Variants in YPEL2 observed in about 807,000 individuals in gnomAD.
YPEL2 encodes the protein yippee like 2.
Under a neutral mutation model 19.1 loss-of-function variants are expected in YPEL2, and 2 were observed. That is an observed-to-expected ratio of 0.10 (90% CI 0.04 to 0.33). YPEL2 has a LOEUF of 0.33. Ranked by LOEUF, YPEL2 falls within the 10% of genes least tolerant of loss-of-function variation. The probability of loss-of-function intolerance (pLI) is 1.00; values close to 1 mark genes in which losing one functional copy is unlikely to be tolerated. For missense variants in YPEL2, 66 were observed against 140.7 expected (o/e 0.47, Z 2.68); for synonymous variants, 52 against 50.0 (o/e 1.04, Z -0.17).
chr17:59,379,336 A>G (rs2047937446), intron 2 of YPEL2, among the ~76,000 whole-genome samples: 1 of 152,190 alleles, frequency 6.6e-6, no homozygotes, highest in African/African-American at 2.4e-5. Context: ...CCAATATAGG[A>G]AAGCTCACCA....
intron 1 of YPEL2, among the ~76,000 whole-genome samples, chr17:59,337,250 C>G (rs951109339): frequency 1.4e-5 from 2 of 147,620 alleles, no homozygotes; most frequent in Non-Finnish European, 3.0e-5. Context: ...TGCAGTGGTG[C>G]AATCTCGGCT....
intron 2 of YPEL2, among the ~76,000 whole-genome samples, chr17:59,361,735 C>G (rs2047841931): frequency 6.6e-6 from 1 of 152,134 alleles, no homozygotes; most frequent in African/African-American, 2.4e-5. Flanking sequence ...ATCAGGCTCT[C>G]CACCAAAGAT....
At chr17:59,394,609 G>T (rs1190964942) in intron 4 of YPEL2, among the ~76,000 whole-genome samples, 2 of 151,304 alleles carry the variant, frequency 1.3e-5, no homozygotes, top group South Asian at 4.2e-4. Context: ...TCCAGACTGG[G>T]CAGCCAGGCA....
chr17:59,397,306 C>T lies in YPEL2; in HGVS notation c.*116C>T, dbSNP rs58549129. ...CCATCCATTTAGGGGCCTTGCCATC[C>T]GGGGCATCCTCCCACCCTGACGCCA... On this transcript the variant is annotated 3_prime_UTR_variant, in exon 5 of 5. Transcript: ENST00000312655. The T allele has an allele frequency of 0.11, 75,046 of 679,646 alleles. 6,829 individuals are homozygous for T. The highest frequency in any genetic ancestry group is 0.47 in the East Asian group (14,131 of 30,046). 42.1% of individuals were successfully genotyped at this position (679,646 alleles called of 1,614,324 possible).
At chr17:59,382,616 A>G (rs1179294977) in intron 2 of YPEL2, among the ~76,000 whole-genome samples, 1 of 152,232 alleles carries the variant, frequency 6.6e-6, no homozygotes, top group Admixed American at 6.5e-5. Context: ...TTTAATGAAC[A>G]TTTGTATAAT....
chr17:59,342,879 T>C (rs950312636), intron 1 of YPEL2, among the ~76,000 whole-genome samples: 7 of 152,176 alleles, frequency 4.6e-5, no homozygotes, highest in African/African-American at 1.4e-4. Context: ...GGAAGAAGAC[T>C]CCTAGGTTGG....
intron 1 of YPEL2, among the ~76,000 whole-genome samples, chr17:59,338,782 G>A (rs1463457481): frequency 6.6e-6 from 1 of 152,216 alleles, no homozygotes; most frequent in African/African-American, 2.4e-5. Flanking sequence ...CTCCAGGAGG[G>A]AGGCTATCTC....
intron 1 of YPEL2, among the ~76,000 whole-genome samples, chr17:59,341,782 G>C (rs916149243): frequency 3.3e-5 from 5 of 152,194 alleles, no homozygotes; most frequent in Admixed American, 1.3e-4. Flanking sequence ...CAGGGACTTC[G>C]ATTCTTGTTA....
At chr17:59,367,604 C>G (rs1037382178) in intron 2 of YPEL2, among the ~76,000 whole-genome samples, 39 of 152,156 alleles carry the variant, frequency 2.6e-4, no homozygotes, top group African/African-American at 8.4e-4. Flanking sequence ...ATTAGAATGA[C>G]TGTTGTGAAA....
chr17:59,388,451 C>A, intron 3 of YPEL2, 81 bp downstream of exon 3: 2 of 1,380,060 alleles, frequency 1.4e-6, no homozygotes, highest in Non-Finnish European at 2.1e-6. Flanking sequence ...GATAATTAAA[C>A]AATGAACCCT....
intron 1 of YPEL2, among the ~76,000 whole-genome samples, chr17:59,342,726 C>G (rs149247419): frequency 6.6e-6 from 1 of 152,250 alleles, no homozygotes; most frequent in Non-Finnish European, 1.5e-5. Flanking sequence ...ACATTTGGCT[C>G]TCTCGTCTGC....
chr17:59,332,131 C>T (rs1250059938), intron 1 of YPEL2, among the ~76,000 whole-genome samples: 1 of 152,026 alleles, frequency 6.6e-6, no homozygotes, highest in Non-Finnish European at 1.5e-5. Context: ...GGCGAGTCTG[C>T]GGGGCCAGGT....
At chr17:59,352,890 T>C (rs1327559500) in intron 1 of YPEL2, among the ~76,000 whole-genome samples, 1 of 152,156 alleles carries the variant, frequency 6.6e-6, no homozygotes, top group Non-Finnish European at 1.5e-5. Context: ...AGGAGTCCTC[T>C]CCCTGGGGCT....
intron 1 of YPEL2, among the ~76,000 whole-genome samples, chr17:59,335,346 T>C (rs545162783): frequency 3.3e-5 from 5 of 152,224 alleles, no homozygotes; most frequent in African/African-American, 1.2e-4. Context: ...CCTTCAGATA[T>C]AATCTAATTC....
At chr17:59,338,457 G>A (rs188960587) in intron 1 of YPEL2, among the ~76,000 whole-genome samples, 329 of 152,282 alleles carry the variant, frequency 2.2e-3, no homozygotes, top group Non-Finnish European at 3.4e-3. Flanking sequence ...ATAAGTGTAG[G>A]CACGGAACAG....
chr17:59,387,938 G>C (rs1455784987), intron 2 of YPEL2, among the ~76,000 whole-genome samples: 1 of 152,238 alleles, frequency 6.6e-6, no homozygotes, highest in Non-Finnish European at 1.5e-5. Flanking sequence ...GCCTGGGCCA[G>C]CCTGGGAAAG....
At chr17:59,334,576 AC>A (rs2047689808) in intron 1 of YPEL2, among the ~76,000 whole-genome samples, 1 of 69,722 alleles carries the variant, frequency 1.4e-5, no homozygotes, top group Non-Finnish European at 4.4e-5. Context: ...GCACAAACAC[AC>A]ACACACACAC....
rs899248684 is a variant in YPEL2, at chr17:59,353,098, T to G, written c.-195-117T>G. ...GGGCATGATACCAGGAACAGAGAAG[T>G]GGGTCATTTGATCCTGTCAGTGTTG... On this transcript the variant is annotated intron_variant, in intron 1 of 4. Transcript: ENST00000312655. The surrounding 1 kb of genome is among the most constrained non-coding windows in gnomAD (Gnocchi z 4.8). 3 of 225,602 alleles carry G rather than the reference T, an allele frequency of 1.3e-5. No individual in the cohort carries two copies. Among genetic ancestry groups the G allele is most frequent in the African/African-American group, 6.8e-5 (3 of 43,870 alleles). 14.0% of individuals were successfully genotyped at this position (225,602 alleles called of 1,614,324 possible). A position where few individuals can be genotyped will look rare whatever the true frequency, so the allele number is the denominator to read the frequency against.
chr17:59,385,399 C>T (rs1313890962), intron 2 of YPEL2, among the ~76,000 whole-genome samples: 1 of 152,028 alleles, frequency 6.6e-6, no homozygotes. Flanking sequence ...GGCAACATGG[C>T]AAGATTCCGT....
Sources: allele counts gnomAD v4.1 joint callset (sites outside exome capture counted in the v4.1 genomes callset), GRCh38; gene constraint gnomAD v4.1.1; non-coding constraint Gnocchi (gnomAD v3.1); transcripts MANE v1.5; gene names NCBI Gene and HGNC (gene_info 2026-07-23, HGNC 2026-07-21).